The following SMPD3 variants were observed in gnomAD, a reference collection of about 807,000 sequenced individuals.
SMPD3 encodes sphingomyelin phosphodiesterase 3.
Under a neutral mutation model 55.7 loss-of-function variants are expected in SMPD3, and 21 were observed. That is an observed-to-expected ratio of 0.38 (90% confidence interval 0.27 to 0.54). The LOEUF is 0.54. Ranked by LOEUF, SMPD3 falls within the 20% of genes least tolerant of loss-of-function variation. The probability of loss-of-function intolerance (pLI) is 0.80; values close to 1 mark genes in which losing one functional copy is unlikely to be tolerated. For missense variants in SMPD3, 842 were observed against 899.6 expected (o/e 0.94, Z 0.82); for synonymous variants, 457 against 404.3 (o/e 1.13, Z -1.56).
chr16:68,402,502 G>A (rs532944732), intron 1 of SMPD3, among the ~76,000 whole-genome samples: 1 of 152,298 alleles, frequency 6.6e-6, no homozygotes, highest in Admixed American at 6.5e-5. Context: ...GGTGGAAGGC[G>A]TGGTGACTCC....
Position 68,361,588 on chromosome 16 carries a change from G to A in SMPD3, c.1866+15C>T. 1 of 1,604,876 alleles carries A rather than the reference G, an allele frequency of 6.2e-7. No individual in the cohort carries two copies. The highest frequency in any genetic ancestry group is 8.5e-7 in the Non-Finnish European group (1 of 1,179,792). On this transcript the variant is annotated intron_variant, in intron 8 of 8. Transcript: ENST00000219334. ...CTCTTTGCATGGCCCTGGCTGCTGG[G>A]CCCTCCTGACTCACGGCCTTCCAGT...
intron 2 of SMPD3, among the ~76,000 whole-genome samples, chr16:68,374,522 A>T (rs1293467237): frequency 6.6e-6 from 1 of 152,230 alleles, no homozygotes; most frequent in African/African-American, 2.4e-5. Context: ...GGACATGGGC[A>T]TCTCACTCTG....
chr16:68,425,085 A>G (rs2090425233), intron 1 of SMPD3, among the ~76,000 whole-genome samples: 1 of 152,220 alleles, frequency 6.6e-6, no homozygotes, highest in South Asian at 2.1e-4. Flanking sequence ...TCCCAGGAAG[A>G]TGTGGAAGAG....
At chr16:68,400,747 C>T (rs2090198008) in intron 1 of SMPD3, among the ~76,000 whole-genome samples, 1 of 152,224 alleles carries the variant, frequency 6.6e-6, no homozygotes, top group South Asian at 2.1e-4. Context: ...GGTGCCTAGA[C>T]ACCTGGAACA....
rs748065308 is a variant in SMPD3 at position 68,364,904 on chromosome 16, C to G, written c.1402G>C (p.Asp468His). The G allele has an allele frequency of 6.2e-7, 1 of 1,613,652 alleles. No homozygotes were observed. Among genetic ancestry groups the G allele is most frequent in the South Asian group, 1.1e-5 (1 of 91,054 alleles). ...ACTHLHAPQE[D>H]SAIRCGQLDL... is the part of the protein sequence containing the mutation. ...AGCTGCCCACACCGGATGGCGCTGT[C>G]CTCTGCAGGGCAGAAGTACAGAGAC... The change falls in exon 5 of 9, where the codon GAC becomes CAC. Residue 468 changes from aspartate (D) to histidine (H), a missense_variant and splice_region_variant. Asp to His is a moderately conservative substitution (Grantham distance 81). Around this residue, in one of 2 missense-constraint regions of SMPD3, gnomAD observed 649 missense variants for 643.6 expected, o/e 1.01. Transcript: ENST00000219334.
chr16:68,385,732 G>T (rs1281428924), intron 2 of SMPD3, among the ~76,000 whole-genome samples: 3 of 152,142 alleles, frequency 2.0e-5, no homozygotes, highest in African/African-American at 7.2e-5. Context: ...ACTAGTTTCT[G>T]CTTTTGTTCC....
chr16:68,365,334 TG>T (rs1318456251), intron 3 of SMPD3, among the ~76,000 whole-genome samples: 3 of 152,082 alleles, frequency 2.0e-5, no homozygotes, highest in Admixed American at 2.0e-4. Flanking sequence ...CGGCCATCTG[TG>T]CAAAGCATGG....
intron 1 of SMPD3, among the ~76,000 whole-genome samples, chr16:68,396,333 G>C (rs1158726617): frequency 6.6e-6 from 1 of 152,186 alleles, no homozygotes; most frequent in African/African-American, 2.4e-5. Context: ...GAGGACCCCA[G>C]TGACCAGGCC....
At chr16:68,397,610 C>G (rs1247898679) in intron 1 of SMPD3, among the ~76,000 whole-genome samples, 1 of 152,210 alleles carries the variant, frequency 6.6e-6, no homozygotes, top group Non-Finnish European at 1.5e-5. Flanking sequence ...AATCCATGCC[C>G]CACATCTGCC....
chr16:68,383,130 C>A (rs1021241631), intron 2 of SMPD3, among the ~76,000 whole-genome samples: 3 of 152,202 alleles, frequency 2.0e-5, no homozygotes, highest in South Asian at 4.1e-4. Context: ...TGAGCCACTG[C>A]GCCCAGCCAG....
intron 1 of SMPD3, among the ~76,000 whole-genome samples, chr16:68,393,887 T>C (rs912880362): frequency 6.6e-6 from 1 of 152,248 alleles, no homozygotes; most frequent in African/African-American, 2.4e-5. Context: ...GGAGCATAAC[T>C]GATGTGGTTA....
chr16:68,399,749 C>T (rs2090191105), intron 1 of SMPD3, among the ~76,000 whole-genome samples: 1 of 152,246 alleles, frequency 6.6e-6, no homozygotes, highest in Admixed American at 6.5e-5. Flanking sequence ...TTGCCTCGTC[C>T]TCATCATTTG....
At position 68,361,894 on chromosome 16, in the gene SMPD3, C is replaced by G. The variant is rs1047274398; in HGVS notation, c.1710-135G>C. 7 of 1,325,540 alleles carry G rather than the reference C, an allele frequency of 5.3e-6. No homozygotes were observed. In the African/African-American group the frequency reaches 7.4e-5, roughly 14 times the overall value. The allele number at this position is 1,325,540 out of a possible 1,614,324, so 82.1% of individuals were successfully genotyped here. On this transcript the variant is annotated intron_variant, in intron 7 of 8. Transcript: ENST00000219334. ...GACCAAAGCGCTGGGTTTAAGATCT[C>G]TCCCCTGCGGGTCCAAAAAGGGCCT...
Position 68,372,362 on chromosome 16 carries a change from G to C in SMPD3, c.-181C>G. The C allele has an allele frequency of 1.3e-6, 1 of 783,558 alleles. No homozygotes were observed. The highest frequency in any genetic ancestry group is 1.7e-5 in the African/African-American group (1 of 57,590). The allele number at this position is 783,558 out of a possible 1,614,324, so 48.5% of individuals were successfully genotyped here. On this transcript the variant is annotated 5_prime_UTR_variant, in exon 3 of 9. Coordinates refer to ENST00000219334, the MANE Select transcript of SMPD3 (RefSeq NM_018667.4). ...CAGCCGGTCATGGTTCACCTCGGTG[G>C]GCCATGCGGAGGCCTACTGCAGACC...
At chr16:68,373,003 G>A (rs543783340) in intron 2 of SMPD3, among the ~76,000 whole-genome samples, 1 of 152,334 alleles carries the variant, frequency 6.6e-6, no homozygotes, top group Admixed American at 6.5e-5. Flanking sequence ...CCAGCCTGCA[G>A]GATCACACCA....
At chr16:68,390,715 C>T (rs575312935) in intron 1 of SMPD3, among the ~76,000 whole-genome samples, 1 of 152,166 alleles carries the variant, frequency 6.6e-6, no homozygotes, top group African/African-American at 2.4e-5. Flanking sequence ...CAGCCCAGCA[C>T]GTCTCAGCCT....
At chr16:68,437,819 G>A (rs1418694078) in intron 1 of SMPD3, among the ~76,000 whole-genome samples, 1 of 152,184 alleles carries the variant, frequency 6.6e-6, no homozygotes, top group Non-Finnish European at 1.5e-5. Context: ...GGCGCAGAGT[G>A]CAACTGCAGC....
rs2090617359 is a variant in SMPD3, at chr16:68,447,246, G to C, written c.-269+1107C>G. On this transcript the variant is annotated intron_variant, in intron 1 of 8. Coordinates refer to ENST00000219334, the MANE Select transcript of SMPD3 (RefSeq NM_018667.4). The surrounding 1 kb of genome is among the most constrained non-coding windows in gnomAD (Gnocchi z 5.1). Reference sequence around the variant, plus strand: ...AGCAGGTCCCCGAGCCTCGGTTTGGGGTGCGCCCTGCATCGGAGCGGAGCA... The same window carrying C: ...AGCAGGTCCCCGAGCCTCGGTTTGGCGTGCGCCCTGCATCGGAGCGGAGCA... 6.6e-6 allele frequency among the ~76,000 whole-genome samples: 1 copy of C among 152,188 alleles called. No individual in the cohort carries two copies. The highest frequency in any genetic ancestry group is 2.1e-4 in the South Asian group (1 of 4,830).
At chr16:68,411,784 A>G (rs1597654458) in intron 1 of SMPD3, among the ~76,000 whole-genome samples, 1 of 152,320 alleles carries the variant, frequency 6.6e-6, no homozygotes, top group Non-Finnish European at 1.5e-5. Context: ...TAGCAGCCAG[A>G]GGAAGTGGCT....
Sources: gnomAD v4.1 joint callset for allele counts (sites outside exome capture counted in the v4.1 genomes callset) on GRCh38, gnomAD v4.1.1 for gene constraint, gnomAD v4.1.1 regional missense constraint, Gnocchi (gnomAD v3.1) non-coding constraint, MANE v1.5 for transcripts, NCBI Gene and HGNC (gene_info 2026-07-23, HGNC 2026-07-21) for gene names.